APBB1IP: variants seen among roughly 807,000 people sequenced by gnomAD.
The protein encoded by APBB1IP is amyloid beta precursor protein binding family B member 1 interacting protein.
APBB1IP carries 27 observed loss-of-function variants against 64.9 expected under a neutral mutation model. The observed-to-expected ratio is 0.42, with a 90% confidence interval of 0.31 to 0.57. The LOEUF (loss-of-function observed/expected upper bound fraction) is 0.57, where lower values mean the gene tolerates loss of function less well. Among genes scored for constraint, APBB1IP ranks in the 20% least tolerant of loss-of-function variants. APBB1IP has a pLI of 0.20. For missense variants in APBB1IP, 812 were observed against 845.5 expected (o/e 0.96, Z 0.49); for synonymous variants, 392 against 331.0 (o/e 1.18, Z -2.00).
intron 11 of APBB1IP, among the ~76,000 whole-genome samples, chr10:26,548,431 T>C (rs1000165374): frequency 6.6e-6 from 1 of 150,424 alleles, no homozygotes; most frequent in African/African-American, 2.4e-5. Context: ...AATCTGTAAA[T>C]TACTTTTGGT....
intron 2 of APBB1IP, among the ~76,000 whole-genome samples, chr10:26,464,167 C>T (rs1835623950): frequency 6.6e-6 from 1 of 152,138 alleles, no homozygotes; most frequent in Non-Finnish European, 1.5e-5. Context: ...TCTGTAGCAT[C>T]TTCCAGAAGT....
intron 3 of APBB1IP, among the ~76,000 whole-genome samples, chr10:26,494,072 A>T (rs1367511416): frequency 6.6e-6 from 1 of 152,134 alleles, no homozygotes; most frequent in Non-Finnish European, 1.5e-5. Flanking sequence ...TTTAGTAAAG[A>T]CTTTTTACCA....
chr10:26,474,743 C>G (rs1835756509), intron 2 of APBB1IP, among the ~76,000 whole-genome samples: 1 of 152,242 alleles, frequency 6.6e-6, no homozygotes. Flanking sequence ...CCATTTCCAG[C>G]TTGGAGTTGG....
chr10:26,489,075 T>C (rs1274827717), intron 2 of APBB1IP, among the ~76,000 whole-genome samples: 1 of 152,244 alleles, frequency 6.6e-6, no homozygotes, highest in Non-Finnish European at 1.5e-5. Flanking sequence ...CCCATGCTCC[T>C]GCAAGACACC....
At chr10:26,499,343 TA>T (rs1254481397) in intron 4 of APBB1IP, among the ~76,000 whole-genome samples, 3 of 151,726 alleles carry the variant, frequency 2.0e-5, no homozygotes, top group Non-Finnish European at 4.4e-5. Flanking sequence ...AAATTATATA[TA>T]AAAAAGGCTT....
At chr10:26,535,238 A>G (rs1235039393) in intron 9 of APBB1IP, among the ~76,000 whole-genome samples, 1 of 152,172 alleles carries the variant, frequency 6.6e-6, no homozygotes, top group Non-Finnish European at 1.5e-5. Flanking sequence ...TGATGTATTT[A>G]TAACTGCCTT....
At chr10:26,538,502 G>A (rs985746345) in intron 10 of APBB1IP, among the ~76,000 whole-genome samples, 37 of 152,036 alleles carry the variant, frequency 2.4e-4, no homozygotes, top group East Asian at 9.7e-4. Context: ...TTAGCCAGGC[G>A]TGGTGGCGGG....
At chr10:26,496,441 T>G (rs771819264) in intron 4 of APBB1IP, 50 bp downstream of exon 4, 2 of 1,389,940 alleles carry the variant, frequency 1.4e-6, no homozygotes, top group Non-Finnish European at 2.0e-6. Context: ...ATAATGATGA[T>G]TCAAATCAGT....
At chr10:26,559,696 A>G (rs1016041710) in intron 11 of APBB1IP, among the ~76,000 whole-genome samples, 6 of 148,270 alleles carry the variant, frequency 4.0e-5, no homozygotes, top group African/African-American at 1.5e-4. Flanking sequence ...GTCTCAGCTC[A>G]CTGCAACCTC....
chr10:26,525,380 G>A (rs776692737), intron 8 of APBB1IP, among the ~76,000 whole-genome samples: 69 of 152,222 alleles, frequency 4.5e-4, no homozygotes, highest in Admixed American at 1.7e-3. Context: ...CCAATGTCAC[G>A]TAAAACTTTG....
chr10:26,474,675 T>C (rs1441888964), intron 2 of APBB1IP, among the ~76,000 whole-genome samples: 1 of 152,276 alleles, frequency 6.6e-6, no homozygotes, highest in South Asian at 2.1e-4. Flanking sequence ...TCTTCCTTGC[T>C]GAAGCCAAAT....
intron 2 of APBB1IP, among the ~76,000 whole-genome samples, chr10:26,465,621 A>G (rs1287570782): frequency 6.6e-6 from 1 of 152,184 alleles, no homozygotes; most frequent in Non-Finnish European, 1.5e-5. Flanking sequence ...GTCATTATTA[A>G]TTGTTAATGT....
intron 2 of APBB1IP, among the ~76,000 whole-genome samples, chr10:26,479,995 G>A (rs183109005): frequency 2.6e-5 from 4 of 152,250 alleles, no homozygotes; most frequent in Admixed American, 1.3e-4. Flanking sequence ...AGGCCCAGGC[G>A]ACAGCTGGAC....
intron 2 of APBB1IP, among the ~76,000 whole-genome samples, chr10:26,463,176 A>G (rs1374853646): frequency 1.3e-5 from 2 of 152,188 alleles, no homozygotes; most frequent in African/African-American, 2.4e-5. Flanking sequence ...GGTGGCTCAC[A>G]CCTGAAATCT....
Position 26,567,338 on chromosome 10 carries a change from C to A in APBB1IP, c.1851C>A (p.Ala617=), listed in dbSNP as rs766136842. 5.7e-6 allele frequency: 8 copies of A among 1,392,476 alleles called. No homozygotes were observed. The South Asian group carries it at 1.0e-4, about 18-fold the overall frequency. 86.3% of individuals were successfully genotyped at this position (1,392,476 alleles called of 1,614,324 possible). The change falls in exon 15 of 15, where the codon GCC becomes GCA. Residue 617 remains alanine, a synonymous_variant. Coordinates refer to ENST00000376236, the MANE Select transcript of APBB1IP (RefSeq NM_019043.4). ...APAPAPVPDS[A]RPPPAVAKRP... ...CGCCCGCCCCCGTCCCCGACTCCGC[C>A]AGGCCGCCCCCCGCGGTGGCCAAGA...
chr10:26,504,386 AG>A (rs1836145912), intron 6 of APBB1IP, among the ~76,000 whole-genome samples: 1 of 152,196 alleles, frequency 6.6e-6, no homozygotes, highest in African/African-American at 2.4e-5. Context: ...TAACTTCACT[AG>A]AAGAATATAC....
intron 8 of APBB1IP, among the ~76,000 whole-genome samples, chr10:26,519,328 G>A (rs559600314): frequency 1.3e-5 from 2 of 152,290 alleles, no homozygotes; most frequent in Non-Finnish European, 2.9e-5. Context: ...ATGGGCTCAT[G>A]GTTCTGCAAG....
At chr10:26,462,190 TA>T (rs966643917) in intron 2 of APBB1IP, among the ~76,000 whole-genome samples, 11 of 152,074 alleles carry the variant, frequency 7.2e-5, no homozygotes, top group African/African-American at 1.2e-4. Flanking sequence ...TTGTCCCTTA[TA>T]AAAAAAAGTT....
intron 2 of APBB1IP, among the ~76,000 whole-genome samples, chr10:26,469,193 A>AGCT (rs1835684942): frequency 6.6e-6 from 1 of 151,770 alleles, no homozygotes; most frequent in African/African-American, 2.4e-5. Flanking sequence ...GCTGTACAAA[A>AGCT]ATATTTTTAT....
Sources: allele counts gnomAD v4.1 joint callset (sites outside exome capture counted in the v4.1 genomes callset), GRCh38; gene constraint gnomAD v4.1.1; transcripts MANE v1.5; gene names NCBI Gene and HGNC (gene_info 2026-07-23, HGNC 2026-07-21).